The following XIRP2 variants were observed in gnomAD, a reference collection of about 807,000 sequenced individuals.
XIRP2 encodes the protein xin actin-binding repeat-containing protein 2.
In XIRP2, 236 loss-of-function variants were observed where a neutral mutation model predicts 277.0. The observed-to-expected ratio is 0.85, with a 90% CI of 0.77 to 0.95. The LOEUF is 0.95. Among genes scored for constraint, XIRP2 ranks in the 40% least tolerant of loss-of-function variants. The pLI is 0.00. For synonymous variants in XIRP2, 1,490 were observed against 1,416.5 expected (o/e 1.05, Z -1.17); for missense variants, 4,640 against 4,157.5 (o/e 1.12, Z -3.19).
At position 167,246,019 on chromosome 2, in the gene XIRP2, G is replaced by C. The variant is rs1486516248; in HGVS notation, c.4627G>C (p.Glu1543Gln). 4.3e-5 allele frequency: 69 copies of C among 1,613,008 alleles called. No homozygotes were observed. Among genetic ancestry groups the C allele is most frequent in the Non-Finnish European group, 5.7e-5 (67 of 1,179,666 alleles). ...TCATGAATTTAATGAAACTAGAGTA[G>C]AAAAGATAGAAATTATTGGCAAGAG... ...PLHEFNETRV[E>Q]KIEIIGKSIK... The change falls in exon 9 of 11, where the codon GAA (glutamate) becomes CAA (glutamine). Residue 1543 changes from glutamate to glutamine, a missense_variant. Coordinates refer to ENST00000409195, the MANE Select transcript of XIRP2 (RefSeq NM_152381.6).
intron 2 of XIRP2, among the ~76,000 whole-genome samples, chr2:166,909,679 A>C (rs1427217170): frequency 6.6e-6 from 1 of 152,234 alleles, no homozygotes; most frequent in Non-Finnish European, 1.5e-5. Context: ...GAGAGAGGGC[A>C]TCCCTGTCTT....
chr2:167,095,205 A>G (rs1328584944), intron 2 of XIRP2, among the ~76,000 whole-genome samples: 1 of 152,174 alleles, frequency 6.6e-6, no homozygotes, highest in East Asian at 1.9e-4. Context: ...CAGTTTAAGG[A>G]GTTTTGGGCT....
chr2:167,037,957 T>G (rs1378088826), intron 2 of XIRP2, among the ~76,000 whole-genome samples: 1 of 152,010 alleles, frequency 6.6e-6, no homozygotes, highest in Non-Finnish European at 1.5e-5. Context: ...AGCTTTATCT[T>G]ATGTCAGAAA....
chr2:166,934,646 C>T (rs141293552), intron 2 of XIRP2, among the ~76,000 whole-genome samples: 113 of 152,226 alleles, frequency 7.4e-4, no homozygotes, highest in African/African-American at 2.6e-3. Flanking sequence ...AAAACATAAA[C>T]ATTAATTTAG....
chr2:167,123,003 A>C (rs1691099439), intron 2 of XIRP2, among the ~76,000 whole-genome samples: 1 of 152,182 alleles, frequency 6.6e-6, no homozygotes, highest in South Asian at 2.1e-4. Context: ...AAAATCTGTC[A>C]GATGTTAATA....
chr2:167,215,214 G>C (rs1370048855), intron 4 of XIRP2, among the ~76,000 whole-genome samples: 1 of 151,944 alleles, frequency 6.6e-6, no homozygotes, highest in Non-Finnish European at 1.5e-5. Flanking sequence ...ATTTCAAAAG[G>C]GGTGCTGTAC....
chr2:167,016,428 A>C (rs1687829347), intron 2 of XIRP2, among the ~76,000 whole-genome samples: 1 of 151,936 alleles, frequency 6.6e-6, no homozygotes. Context: ...TCTCCTGAAC[A>C]AAGACATAAC....
At chr2:167,101,721 A>C (rs988893652) in intron 2 of XIRP2, among the ~76,000 whole-genome samples, 1 of 152,190 alleles carries the variant, frequency 6.6e-6, no homozygotes, top group Admixed American at 6.5e-5. Context: ...AAAATATATA[A>C]GAGAATAGTT....
At chr2:167,162,638 G>A (rs1185818237) in intron 3 of XIRP2, among the ~76,000 whole-genome samples, 2 of 152,160 alleles carry the variant, frequency 1.3e-5, no homozygotes, top group African/African-American at 4.8e-5. Context: ...TGGGGACACA[G>A]CCAAACCATA....
intron 3 of XIRP2, among the ~76,000 whole-genome samples, chr2:167,163,268 T>C (rs1218411277): frequency 6.6e-6 from 1 of 152,202 alleles, no homozygotes; most frequent in Non-Finnish European, 1.5e-5. Context: ...GTTTTGACCA[T>C]TTTACACTCT....
intron 2 of XIRP2, among the ~76,000 whole-genome samples, chr2:167,046,655 A>G (rs1688795497): frequency 6.6e-6 from 1 of 152,034 alleles, no homozygotes; most frequent in Non-Finnish European, 1.5e-5. Context: ...CCATTTTCCT[A>G]AATGACTTGA....
At chr2:167,090,250 C>T (rs185773617) in intron 2 of XIRP2, among the ~76,000 whole-genome samples, 1 of 152,148 alleles carries the variant, frequency 6.6e-6, no homozygotes, top group East Asian at 1.9e-4. Flanking sequence ...TCAGACAATG[C>T]AAAGATTTTA....
At chr2:167,191,368 C>T (rs1039282512) in intron 3 of XIRP2, among the ~76,000 whole-genome samples, 5 of 152,078 alleles carry the variant, frequency 3.3e-5, no homozygotes, top group African/African-American at 9.7e-5. Flanking sequence ...GAACTAGAAA[C>T]TAACTGTCTT....
At position 167,249,832 on chromosome 2, in the gene XIRP2, A is replaced by G. The variant is rs1277236968; in HGVS notation, c.8440A>G (p.Lys2814Glu). ...AGAATTTAGCGGATCTGACAGAGGGAAACTTCCAGGAAGTGAAGAAAAAAA... is the reference window on the plus strand; with the variant it reads ...AGAATTTAGCGGATCTGACAGAGGGGAACTTCCAGGAAGTGAAGAAAAAAA... ...QREFSGSDRG[K>E]LPGSEEKNQG... The change falls in exon 9 of 11, where the codon AAA becomes GAA. Residue 2814 changes from lysine to glutamate, a missense_variant. Coordinates refer to ENST00000409195, the MANE Select transcript of XIRP2 (RefSeq NM_152381.6). 6.2e-6 allele frequency: 10 copies of G among 1,613,450 alleles called. No individual in the cohort carries two copies. Among genetic ancestry groups the G allele is most frequent in the Non-Finnish European group, 8.5e-6 (10 of 1,179,772 alleles).
In XIRP2 at chr2:167,245,119, T is replaced by C. The variant is rs949800992; in HGVS notation, c.3727T>C (p.Phe1243Leu). The C allele has an allele frequency of 4.3e-6, 7 of 1,610,546 alleles. No individual in the cohort carries two copies. In the Admixed American group the frequency reaches 6.7e-5, roughly 16 times the overall value. The change falls in exon 9 of 11, where the codon TTT becomes CTT. Residue 1243 changes from phenylalanine to leucine, a missense_variant. Coordinates refer to ENST00000409195, the MANE Select transcript of XIRP2 (RefSeq NM_152381.6). ...KGNVLNCRWL[F>L]ENQPIDKIKE... ...CAATGTTTTAAATTGTAGGTGGCTT[T>C]TTGAAAACCAACCAATTGATAAGAT... is the stretch of plus-strand genomic sequence containing the variant.
At chr2:167,156,191 C>G (rs111526953) in intron 3 of XIRP2, among the ~76,000 whole-genome samples, 14,536 of 151,244 alleles carry the variant, frequency 0.096, 756 homozygotes, top group South Asian at 0.15. Context: ...TTTATAGATT[C>G]GATGCCATCC....
At chr2:167,033,486 A>T (rs1001487178) in intron 2 of XIRP2, among the ~76,000 whole-genome samples, 1 of 152,140 alleles carries the variant, frequency 6.6e-6, no homozygotes, top group Admixed American at 6.6e-5. Flanking sequence ...AACTTTCCAA[A>T]TCTGGAGAAA....
At chr2:167,024,884 A>G (rs1244987214) in intron 2 of XIRP2, among the ~76,000 whole-genome samples, 1 of 152,170 alleles carries the variant, frequency 6.6e-6, no homozygotes, top group Non-Finnish European at 1.5e-5. Flanking sequence ...TTTTGCATCA[A>G]TGTTCATCAA....
intron 2 of XIRP2, among the ~76,000 whole-genome samples, chr2:166,917,280 C>A (rs142081163): frequency 1.3e-5 from 2 of 152,050 alleles, no homozygotes; most frequent in African/African-American, 4.8e-5. Context: ...CAAAGAGCTG[C>A]AGTTTGTTCA....
Sources: gnomAD v4.1 joint callset for allele counts (sites outside exome capture counted in the v4.1 genomes callset) on GRCh38, gnomAD v4.1.1 for gene constraint, MANE v1.5 for transcripts, NCBI Gene and HGNC (gene_info 2026-07-23, HGNC 2026-07-21) for gene names.